The following ERCC6L2 variants were observed in gnomAD, a reference collection of about 807,000 sequenced individuals.
ERCC6L2 encodes the protein ERCC excision repair 6 like 2.
A neutral mutation model predicts 132.0 loss-of-function variants in ERCC6L2; 77 were observed. The ratio of observed to expected loss-of-function variants is 0.58; its 90% CI spans 0.49 to 0.71. The LOEUF is 0.71. ERCC6L2 is among the 30% of genes least tolerant of loss of function. The pLI is 0.00. For synonymous variants in ERCC6L2, 583 were observed against 632.4 expected, an observed-to-expected ratio of 0.92 and a Z score of 1.17; for missense variants, 1,542 against 1,837.6, an observed-to-expected ratio of 0.84 and a Z score of 2.94.
At chr9:95,940,234 TC>T (rs1830735158) in intron 11 of ERCC6L2, among the ~76,000 whole-genome samples, 1 of 152,216 alleles carries the variant, frequency 6.6e-6, no homozygotes, top group Admixed American at 6.5e-5. Context: ...TGCAGATTGT[TC>T]CTTGGTGTTT....
chr9:95,907,320 C>A, intron 4 of ERCC6L2, 49 bp downstream of exon 4: 160 of 953,510 alleles, frequency 1.7e-4, no homozygotes, highest in Non-Finnish European at 2.3e-4. Context: ...AGTCTACTTA[C>A]ATCCCTTTAT....
chr9:95,910,039 A>G (rs961034922), intron 4 of ERCC6L2, among the ~76,000 whole-genome samples: 6 of 152,234 alleles, frequency 3.9e-5, no homozygotes, highest in Non-Finnish European at 7.3e-5. Flanking sequence ...TTGGAAAACA[A>G]TGTTCTATAG....
intron 4 of ERCC6L2, among the ~76,000 whole-genome samples, chr9:95,907,859 C>CAAA (rs1564212414): frequency 1.1e-4 from 12 of 112,722 alleles, no homozygotes; most frequent in East Asian, 2.5e-4. Flanking sequence ...ACACACACCC[C>CAAA]CACACCCACA....
chr9:95,972,105 C>G lies in ERCC6L2; in HGVS notation c.2354C>G (p.Pro785Arg). ...GATTCAAGTAAAGCTTCCAGCTCTC[C>G]AGGACAGCTTACCTTACTCCAGTGT... ...APDSSKASSS[P>R]GQLTLLQCGF... The change falls in exon 16 of 19, where the codon CCA becomes CGA. Residue 785 changes from proline (P) to arginine (R), a missense_variant. Coordinates refer to ENST00000653738, the MANE Select transcript of ERCC6L2 (RefSeq NM_020207.7). The G allele has an allele frequency of 7.7e-7, 1 of 1,304,254 alleles. No individual in the cohort carries two copies. 80.8% of individuals were successfully genotyped at this position (1,304,254 alleles called of 1,614,324 possible).
intron 17 of ERCC6L2, among the ~76,000 whole-genome samples, chr9:95,994,901 T>C (rs1161186537): frequency 6.6e-6 from 1 of 152,236 alleles, no homozygotes; most frequent in African/African-American, 2.4e-5. Flanking sequence ...ACTTCTTTGC[T>C]ATTCCTACCT....
Position 96,012,787 on chromosome 9 carries a change from A to G in ERCC6L2, c.4237A>G (p.Arg1413Gly), listed in dbSNP as rs1035615127. 1.5e-6 allele frequency: 2 copies of G among 1,367,548 alleles called. No individual in the cohort carries two copies. Among genetic ancestry groups the G allele is most frequent in the Non-Finnish European group, 2.0e-6 (2 of 1,021,858 alleles). The allele number at this position is 1,367,548 out of a possible 1,614,324, so 84.7% of individuals were successfully genotyped here. The change falls in exon 19 of 19, where the codon AGA becomes GGA. Residue 1413 changes from arginine (R) to glycine (G), a missense_variant. By Grantham distance (125) the Arg-to-Gly change is moderately radical. Transcript: ENST00000653738. The stretch of plus-strand genomic sequence containing the variant: ...GGACCTCACAAGAACGGGCATTTCA[A>G]GAAAAGAACCCCTTCTCAAATTGGA... ...QQDLTRTGIS[R>G]KEPLLKLENK...
intron 4 of ERCC6L2, among the ~76,000 whole-genome samples, chr9:95,909,242 G>C (rs1311552040): frequency 6.6e-6 from 1 of 151,936 alleles, no homozygotes; most frequent in Non-Finnish European, 1.5e-5. Context: ...ATATAGTCTC[G>C]GTTGCATATT....
rs1834095700 is a variant in ERCC6L2, at chr9:96,013,191, G to A, written c.4641G>A (p.Gln1547=). The A allele has an allele frequency of 7.3e-7, 1 of 1,361,600 alleles. No homozygotes were observed. The highest frequency in any genetic ancestry group is 1.1e-5 in the South Asian group (1 of 87,246). 84.3% of individuals were successfully genotyped at this position (1,361,600 alleles called of 1,614,324 possible). A position where few individuals can be genotyped will look rare whatever the true frequency, so the allele number is the denominator to read the frequency against. The change falls in exon 19 of 19, where the codon CAG becomes CAA. Residue 1547 remains glutamine (Q), a synonymous_variant. Transcript: ENST00000653738. ...SDTDENATNT[Q]STT ...CAGATGAAAACGCAACCAATACACA[G>A]AGTACCACATAAGCATATAAATGAA...
chr9:95,896,103 T>C (rs943921327), intron 2 of ERCC6L2, among the ~76,000 whole-genome samples: 6 of 152,192 alleles, frequency 3.9e-5, no homozygotes, highest in Admixed American at 2.0e-4. Flanking sequence ...ATATTTACCA[T>C]TTTTGTTGCT....
intron 17 of ERCC6L2, among the ~76,000 whole-genome samples, chr9:96,000,790 A>T (rs1438480364): frequency 6.6e-6 from 1 of 152,202 alleles, no homozygotes; most frequent in East Asian, 1.9e-4. Context: ...CTATAAAATA[A>T]TAGAAAAATT....
chr9:96,012,544 T>G lies in ERCC6L2; in HGVS notation c.3994T>G (p.Tyr1332Asp). 1.5e-6 allele frequency: 2 copies of G among 1,367,384 alleles called. No homozygotes were observed. The highest frequency in any genetic ancestry group is 2.0e-6 in the Non-Finnish European group (2 of 1,021,722). 84.7% of individuals were successfully genotyped at this position (1,367,384 alleles called of 1,614,324 possible). ...KISQVCSLKTYKRKSVKFQNH... is the reference protein window; with the variant it reads ...KISQVCSLKTDKRKSVKFQNH... ...TTCTCAAGTTTGCAGCCTAAAAACA[T>G]ATAAAAGAAAATCAGTTAAGTTTCA... is the stretch of plus-strand genomic sequence containing the variant. The change falls in exon 19 of 19, where the codon TAT becomes GAT. Residue 1332 changes from tyrosine (Y) to aspartate (D), a missense_variant. Tyr to Asp is a radical substitution (Grantham distance 160). Around this residue, in one of 4 missense-constraint regions of ERCC6L2, gnomAD observed 442 missense variants for 583.4 expected, o/e 0.76. Coordinates refer to ENST00000653738, the MANE Select transcript of ERCC6L2 (RefSeq NM_020207.7).
chr9:95,979,521 A>G (rs1026623686), intron 17 of ERCC6L2, among the ~76,000 whole-genome samples: 1 of 152,136 alleles, frequency 6.6e-6, no homozygotes, highest in Non-Finnish European at 1.5e-5. Context: ...TTTTTTGGGG[A>G]CCGCAGAACG....
intron 11 of ERCC6L2, among the ~76,000 whole-genome samples, chr9:95,932,930 T>C (rs982025038): frequency 6.6e-6 from 1 of 152,130 alleles, no homozygotes; most frequent in Non-Finnish European, 1.5e-5. Flanking sequence ...AAGAACAGAG[T>C]GACAAGTTTT....
intron 17 of ERCC6L2, among the ~76,000 whole-genome samples, chr9:95,983,648 C>A (rs1832976173): frequency 1.3e-5 from 2 of 152,144 alleles, no homozygotes; most frequent in South Asian, 2.1e-4. Flanking sequence ...AATGGAAACA[C>A]CTATTGCCTT....
At chr9:96,000,177 G>A (rs1046980139) in intron 17 of ERCC6L2, among the ~76,000 whole-genome samples, 2 of 152,082 alleles carry the variant, frequency 1.3e-5, no homozygotes, top group East Asian at 1.9e-4. Flanking sequence ...GTGAGCCACC[G>A]CGCCTGGCCA....
chr9:95,998,139 T>C (rs1833534603), intron 17 of ERCC6L2, among the ~76,000 whole-genome samples: 1 of 151,724 alleles, frequency 6.6e-6, no homozygotes, highest in South Asian at 2.1e-4. Flanking sequence ...ATTAAAGCCA[T>C]GGGCTCTTTT....
chr9:95,941,435 T>C lies in ERCC6L2; in HGVS notation c.1752-19T>C. The C allele has an allele frequency of 6.3e-7, 1 of 1,590,750 alleles. No individual in the cohort carries two copies. The highest frequency in any genetic ancestry group is 8.6e-7 in the Non-Finnish European group (1 of 1,166,126). ...TTTTTGCTGTTCTAATGTGCTTTTT[T>C]TTTTTCTCTTTCCTCCAGGGCTGGT... is the stretch of plus-strand genomic sequence containing the variant. On this transcript the variant is annotated intron_variant, in intron 11 of 18. Coordinates refer to ENST00000653738, the MANE Select transcript of ERCC6L2 (RefSeq NM_020207.7).
At chr9:95,942,242 T>C (rs1484253582) in intron 12 of ERCC6L2, among the ~76,000 whole-genome samples, 1 of 152,018 alleles carries the variant, frequency 6.6e-6, no homozygotes, top group Non-Finnish European at 1.5e-5. Flanking sequence ...AATACACGTG[T>C]TACCTGCATG....
chr9:95,885,959 G>A (rs1220325992), intron 2 of ERCC6L2, among the ~76,000 whole-genome samples: 2 of 152,158 alleles, frequency 1.3e-5, no homozygotes, highest in African/African-American at 4.8e-5. Flanking sequence ...AATCTGGTGA[G>A]TTCAGTGAAC....
Sources: gnomAD v4.1 joint callset for allele counts (sites outside exome capture counted in the v4.1 genomes callset) on GRCh38, gnomAD v4.1.1 for gene constraint, gnomAD v4.1.1 regional missense constraint, MANE v1.5 for transcripts, NCBI Gene and HGNC (gene_info 2026-07-23, HGNC 2026-07-21) for gene names.